Variants in RNF144A observed in about 807,000 individuals in gnomAD.
RNF144A encodes the protein ring finger protein 144A.
Under a neutral mutation model 38.7 loss-of-function variants are expected in RNF144A, and 11 were observed. The ratio of observed to expected loss-of-function variants is 0.28; its 90% CI spans 0.18 to 0.47. The LOEUF (loss-of-function observed/expected upper bound fraction) is 0.47. Among genes scored for constraint, RNF144A ranks in the 20% least tolerant of loss-of-function variants. The pLI is 0.99. For synonymous variants in RNF144A, 149 were observed against 143.9 expected (o/e 1.04, Z -0.25); for missense variants, 316 against 377.2 (o/e 0.84, Z 1.34).
At chr2:7,029,983 G>A (rs1245935457) in intron 7 of RNF144A, 143 bp from the exon 8 acceptor site, 16 of 641,084 alleles carry the variant, frequency 2.5e-5, no homozygotes, top group Middle Eastern at 3.6e-4. Flanking sequence ...AGGTGTTCCC[G>A]GATGCGTGCC....
At position 7,039,929 on chromosome 2, in the gene RNF144A, G is replaced by T; in HGVS notation, c.*169G>T. ...TTCAGGGACCTATGTCACAATGTTC[G>T]CTGAGGCCCCAGGTGTGGTGGGGAG... On this transcript the variant is annotated 3_prime_UTR_variant, in exon 9 of 9. Transcript: ENST00000320892. The T allele has an allele frequency of 1.4e-6, 2 of 1,423,644 alleles. No homozygotes were observed. The highest frequency in any genetic ancestry group is 3.0e-5 in the South Asian group (2 of 66,674). The allele number at this position is 1,423,644 out of a possible 1,614,324, so 88.2% of individuals were successfully genotyped here.
Position 6,973,737 on chromosome 2 carries a change from T to C in RNF144A, c.-11-23179T>C, listed in dbSNP as rs116400611. Among the ~76,000 whole-genome samples, 743 of 152,334 alleles carry C rather than the reference T, an allele frequency of 4.9e-3. 13 individuals are homozygous for C. Among genetic ancestry groups the C allele is most frequent in the African/African-American group, 0.017 (701 of 41,582 alleles). ...CCTAGAAAATCATCAGTACCCACCA[T>C]AGGGGTCAGCATATGGTCCATGGGC... On this transcript the variant is annotated intron_variant, in intron 2 of 8. Coordinates refer to ENST00000320892, the MANE Select transcript of RNF144A (RefSeq NM_014746.6).
At chr2:6,938,689 T>C (rs1273229111) in intron 1 of RNF144A, among the ~76,000 whole-genome samples, 1 of 152,204 alleles carries the variant, frequency 6.6e-6, no homozygotes, top group Non-Finnish European at 1.5e-5. Context: ...CCAGGGTCTT[T>C]TCAGTACCCT....
intron 3 of RNF144A, among the ~76,000 whole-genome samples, chr2:7,002,479 A>G (rs1670172836): frequency 6.6e-6 from 1 of 152,178 alleles, no homozygotes; most frequent in Non-Finnish European, 1.5e-5. Context: ...CATTTGAACT[A>G]TTTCCTTGAG....
At chr2:7,025,861 G>T (rs1046528817) in intron 7 of RNF144A, among the ~76,000 whole-genome samples, 2 of 152,046 alleles carry the variant, frequency 1.3e-5, no homozygotes, top group Non-Finnish European at 2.9e-5. Context: ...AGCCATTCAG[G>T]TCTCATTCAA....
chr2:7,041,368 C>T lies in RNF144A; in HGVS notation c.*1608C>T. On this transcript the variant is annotated 3_prime_UTR_variant, in exon 9 of 9. Transcript: ENST00000320892. The stretch of plus-strand genomic sequence containing the variant: ...AATTCGTTAGAAAAAACAGCGTCAC[C>T]TCACTCTTCACCTGTCATGTTGATT... 3.0e-6 allele frequency: 3 copies of T among 985,842 alleles called. No homozygotes were observed. The highest frequency in any genetic ancestry group is 2.3e-4 in the East Asian group (2 of 8,818). The allele number at this position is 985,842 out of a possible 1,614,324, so 61.1% of individuals were successfully genotyped here.
rs1171040424 is a variant in RNF144A at position 6,933,302 on chromosome 2, T to C, written c.-211-7646T>C. The C allele has an allele frequency of 2.6e-5, 4 of 152,182 alleles. No individual in the cohort carries two copies. In the East Asian group the frequency reaches 7.7e-4, roughly 29 times the overall value. The allele number at this position is 152,182 out of a possible 1,614,324, so 9.4% of individuals were successfully genotyped here. On this transcript the variant is annotated intron_variant, in intron 1 of 8. Transcript: ENST00000320892. ...GTGGGCACAGAGTCTAAAATGTTCC[T>C]TCATTATGGAGAAGAGGGAGAAAGG...
intron 6 of RNF144A, among the ~76,000 whole-genome samples, chr2:7,067,420 G>A (rs1044181061): frequency 3.9e-5 from 6 of 152,146 alleles, no homozygotes; most frequent in African/African-American, 1.2e-4. Context: ...AAACCAGGAA[G>A]GTCTATCAAC....
At chr2:6,952,094 A>G (rs911204935) in intron 2 of RNF144A, among the ~76,000 whole-genome samples, 1 of 152,138 alleles carries the variant, frequency 6.6e-6, no homozygotes, top group Non-Finnish European at 1.5e-5. Context: ...GTCGACTTTT[A>G]TTTTATGTTT....
At chr2:6,960,640 G>T (rs993013111) in intron 2 of RNF144A, among the ~76,000 whole-genome samples, 2 of 152,216 alleles carry the variant, frequency 1.3e-5, no homozygotes, top group Admixed American at 1.3e-4. Flanking sequence ...TCTCTGCGTA[G>T]ATCAGGCATG....
intron 8 of RNF144A, among the ~76,000 whole-genome samples, chr2:7,030,976 C>G (rs982061927): frequency 6.6e-6 from 1 of 152,056 alleles, no homozygotes; most frequent in Non-Finnish European, 1.5e-5. Context: ...CAACAGGGTT[C>G]GTGCTCCTAC....
chr2:6,984,144 G>T (rs777889301), intron 2 of RNF144A, among the ~76,000 whole-genome samples: 2 of 152,060 alleles, frequency 1.3e-5, no homozygotes, highest in African/African-American at 2.4e-5. Flanking sequence ...CACTGAGCCC[G>T]CATAGTTCAC....
intron 6 of RNF144A, among the ~76,000 whole-genome samples, chr2:7,051,129 AG>A (rs1673505590): frequency 6.6e-6 from 1 of 152,232 alleles, no homozygotes; most frequent in South Asian, 2.1e-4. Context: ...CACCCCCTGC[AG>A]GAGAAGTCAG....
In RNF144A at chr2:7,014,573, A is replaced by G; in HGVS notation, c.240+15A>G. On this transcript the variant is annotated intron_variant, in intron 4 of 8. Transcript: ENST00000320892. ...AGGAGAACGAGGCATGTGCAATTGAACAGACTGGGCTGTTTGATGTGCACA... is the reference window on the plus strand; with the variant it reads ...AGGAGAACGAGGCATGTGCAATTGAGCAGACTGGGCTGTTTGATGTGCACA... The G allele has an allele frequency of 1.3e-6, 2 of 1,583,120 alleles. No homozygotes were observed. Among genetic ancestry groups the G allele is most frequent in the African/African-American group, 1.4e-5 (1 of 73,884 alleles).
chr2:7,059,861 G>A (rs1673884828), intron 6 of RNF144A, among the ~76,000 whole-genome samples: 1 of 152,198 alleles, frequency 6.6e-6, no homozygotes, highest in African/African-American at 2.4e-5. Context: ...TGCTTAATAT[G>A]AATTACTTAA....
At chr2:6,954,736 T>G (rs1336705590) in intron 2 of RNF144A, among the ~76,000 whole-genome samples, 3 of 152,196 alleles carry the variant, frequency 2.0e-5, no homozygotes, top group Non-Finnish European at 4.4e-5. Context: ...GAAAAAGTAT[T>G]TTATGATTCA....
intron 1 of RNF144A, among the ~76,000 whole-genome samples, chr2:6,937,454 C>G (rs563486706): frequency 5.9e-5 from 9 of 152,302 alleles, no homozygotes; most frequent in Non-Finnish European, 1.0e-4. Flanking sequence ...TATAATGCAG[C>G]TGGGAAAGGC....
intron 6 of RNF144A, among the ~76,000 whole-genome samples, chr2:7,053,944 G>C (rs756384726): frequency 9.9e-5 from 15 of 152,228 alleles, no homozygotes; most frequent in Non-Finnish European, 2.1e-4. Flanking sequence ...GCAGGCACTG[G>C]TGCCCAGAGA....
intron 6 of RNF144A, among the ~76,000 whole-genome samples, chr2:7,060,896 A>G (rs1160519096): frequency 6.6e-6 from 1 of 152,136 alleles, no homozygotes; most frequent in Non-Finnish European, 1.5e-5. Flanking sequence ...AATTGCAAAT[A>G]CCTATGTATT....
Sources: allele counts gnomAD v4.1 joint callset (sites outside exome capture counted in the v4.1 genomes callset), GRCh38; gene constraint gnomAD v4.1.1; transcripts MANE v1.5; gene names NCBI Gene and HGNC (gene_info 2026-07-23, HGNC 2026-07-21).